PTDSS1: variants seen among roughly 807,000 people sequenced by gnomAD.
PTDSS1 encodes phosphatidylserine synthase 1.
In PTDSS1, 45 loss-of-function variants were observed where a neutral mutation model predicts 70.5. That is an observed-to-expected ratio of 0.64 (90% confidence interval 0.50 to 0.82). PTDSS1 has a LOEUF of 0.82. Among genes scored for constraint, PTDSS1 ranks in the 40% least tolerant of loss-of-function variants. PTDSS1 has a pLI of 0.00. For missense variants in PTDSS1, 417 were observed against 586.1 expected (o/e 0.71, Z 2.98); for synonymous variants, 188 against 203.8 (o/e 0.92, Z 0.66).
chr8:96,335,502 T>C lies in PTDSS1; in HGVS notation c.*1936T>C. ...CTTGTTGCAACTGATGGAGCATGTGTGCTTCCTCTGAGGCCAGCCTACAGG... is the reference window on the plus strand; with the variant it reads ...CTTGTTGCAACTGATGGAGCATGTGCGCTTCCTCTGAGGCCAGCCTACAGG... On this transcript the variant is annotated 3_prime_UTR_variant, in exon 13 of 13. Coordinates refer to ENST00000517309, the MANE Select transcript of PTDSS1 (RefSeq NM_014754.3). The C allele has an allele frequency of 6.6e-6, 1 of 152,266 alleles. No homozygotes were observed. Among genetic ancestry groups the C allele is most frequent in the Admixed American group, 6.5e-5 (1 of 15,284 alleles). The allele number at this position is 152,266 out of a possible 1,614,324, so 9.4% of individuals were successfully genotyped here.
chr8:96,278,475 G>T (rs757484916), intron 2 of PTDSS1, among the ~76,000 whole-genome samples: 2 of 152,158 alleles, frequency 1.3e-5, no homozygotes, highest in Non-Finnish European at 2.9e-5. Flanking sequence ...GAGGGAGAGG[G>T]CTGGCAGTGA....
rs565225132 is a variant in PTDSS1, at chr8:96,262,264, A to C, written c.179+45A>C. 8 of 1,472,884 alleles carry C rather than the reference A, an allele frequency of 5.4e-6. No homozygotes were observed. In the South Asian group the frequency reaches 9.2e-5, roughly 17 times the overall value. The allele number at this position is 1,472,884 out of a possible 1,614,324, so 91.2% of individuals were successfully genotyped here. A position where few individuals can be genotyped will look rare whatever the true frequency, so the allele number is the denominator to read the frequency against. ...CGGGGGGCGCGTCCAAGGGCTAGGG[A>C]AGAGGCGGGAGGGAGGGTGGCGGGG... On this transcript the variant is annotated intron_variant, in intron 1 of 12. Transcript: ENST00000517309. The surrounding 1 kb of genome is among the most constrained non-coding windows in gnomAD (Gnocchi z 4.4).
At chr8:96,284,188 A>AT (rs747065228) in intron 3 of PTDSS1, 35 bp downstream of exon 3, 6 of 1,549,388 alleles carry the variant, frequency 3.9e-6, no homozygotes, top group South Asian at 3.4e-5. Context: ...AGGATGTTCT[A>AT]TTTTTTTAAT....
Position 96,304,024 on chromosome 8 carries a change from C to T in PTDSS1, c.753-16C>T, listed in dbSNP as rs1811089889. The T allele has an allele frequency of 1.9e-6, 3 of 1,592,786 alleles. No individual in the cohort carries two copies. The highest frequency in any genetic ancestry group is 2.6e-6 in the Non-Finnish European group (3 of 1,172,646). On this transcript the variant is annotated splice_polypyrimidine_tract_variant and intron_variant, in intron 6 of 12. Coordinates refer to ENST00000517309, the MANE Select transcript of PTDSS1 (RefSeq NM_014754.3). Reference sequence around the variant, plus strand: ...CTTATCTCTGGATTTTCACTGGAGCCATTCTCTTCTTACAGGGACATTCAT... The same window carrying T: ...CTTATCTCTGGATTTTCACTGGAGCTATTCTCTTCTTACAGGGACATTCAT...
intron 2 of PTDSS1, among the ~76,000 whole-genome samples, chr8:96,281,186 TA>T (rs1358674103): frequency 6.6e-6 from 1 of 152,160 alleles, no homozygotes; most frequent in Non-Finnish European, 1.5e-5. Flanking sequence ...CGATTTTTTT[TA>T]AAAAAGTAAA....
intron 10 of PTDSS1, among the ~76,000 whole-genome samples, chr8:96,325,613 T>C (rs573886313): frequency 9.8e-5 from 15 of 152,296 alleles, no homozygotes; most frequent in African/African-American, 3.4e-4. Flanking sequence ...TCCCACTGCC[T>C]CTGCGGCTGT....
chr8:96,296,960 C>G (rs1330877306), intron 5 of PTDSS1, among the ~76,000 whole-genome samples: 3 of 152,226 alleles, frequency 2.0e-5, no homozygotes, highest in African/African-American at 7.2e-5. Flanking sequence ...TCCCTGCTTC[C>G]CAGTGCCTGT....
Position 96,331,436 on chromosome 8 carries a change from G to A in PTDSS1, c.1312+341G>A, listed in dbSNP as rs141526457. 8.7e-3 allele frequency among the ~76,000 whole-genome samples: 1,317 copies of A among 152,176 alleles called. 12 individuals are homozygous for A. The highest frequency in any genetic ancestry group is 0.029 in the African/African-American group (1,219 of 41,516). On this transcript the variant is annotated intron_variant, in intron 12 of 12. Coordinates refer to ENST00000517309, the MANE Select transcript of PTDSS1 (RefSeq NM_014754.3). ...CCCAGCTACTCAGGACGCTGAGCCA[G>A]GAGAATCGCATGAACCTGGAAGGCG... is the stretch of plus-strand genomic sequence containing the variant.
chr8:96,292,284 T>G, intron 4 of PTDSS1, among the ~76,000 whole-genome samples: 1 of 121,694 alleles, frequency 8.2e-6, no homozygotes. Flanking sequence ...TAGGCAACGC[T>G]GTCTCAAAAA....
chr8:96,301,645 G>A (rs964995336), intron 6 of PTDSS1, among the ~76,000 whole-genome samples: 3 of 151,420 alleles, frequency 2.0e-5, no homozygotes, highest in South Asian at 2.1e-4. Flanking sequence ...TCAGCCTCCC[G>A]AGTAGCTGGG....
At chr8:96,305,919 G>A (rs1331138549) in intron 7 of PTDSS1, among the ~76,000 whole-genome samples, 4 of 152,148 alleles carry the variant, frequency 2.6e-5, no homozygotes, top group Admixed American at 2.0e-4. Context: ...TACCTCAGGC[G>A]ATCTGCCCGC....
chr8:96,283,842 T>A, intron 2 of PTDSS1: 1 of 396,020 alleles, frequency 2.5e-6, no homozygotes. Flanking sequence ...TGGGAAATTA[T>A]GTTCTGACTT....
rs1247096851 is a variant in PTDSS1 at position 96,292,740 on chromosome 8, G to T, written c.442-2358G>T. Reference sequence around the variant, plus strand: ...TCTCAGCTGATTTCTTCCTGTGAAAGCTCAGTGGAGCAGATTGCTTTAGAC... The same window carrying T: ...TCTCAGCTGATTTCTTCCTGTGAAATCTCAGTGGAGCAGATTGCTTTAGAC... On this transcript the variant is annotated intron_variant, in intron 4 of 12. Transcript: ENST00000517309. Among the ~76,000 whole-genome samples the T allele has an allele frequency of 2.0e-5, 3 of 152,218 alleles. No individual in the cohort carries two copies. In the East Asian group the frequency reaches 5.8e-4, roughly 29 times the overall value.
intron 1 of PTDSS1, among the ~76,000 whole-genome samples, chr8:96,270,927 T>C (rs1375053568): frequency 6.6e-6 from 1 of 152,246 alleles, no homozygotes; most frequent in Non-Finnish European, 1.5e-5. Flanking sequence ...CATTTAGTTA[T>C]AAATTTAGTG....
rs1811559442 is a variant in PTDSS1 at position 96,333,990 on chromosome 8, CT to C, written c.*427del. On this transcript the variant is annotated 3_prime_UTR_variant, in exon 13 of 13. Transcript: ENST00000517309. ...TTTTATTTTATTTTTATGAATCTAC[CT>C]TTCCATTGATTGATTTAAGTTCAGG... 2.2e-6 allele frequency: 1 copy of C among 450,040 alleles called. No homozygotes were observed. The highest frequency in any genetic ancestry group is 3.9e-6 in the Non-Finnish European group (1 of 254,666). The allele number at this position is 450,040 out of a possible 1,614,324, so 27.9% of individuals were successfully genotyped here. A position where few individuals can be genotyped will look rare whatever the true frequency, so the allele number is the denominator to read the frequency against.
Position 96,289,678 on chromosome 8 carries a change from G to T in PTDSS1, c.441+2532G>T, listed in dbSNP as rs556183722. 3.9e-5 allele frequency among the ~76,000 whole-genome samples: 6 copies of T among 152,144 alleles called. No individual in the cohort carries two copies. The South Asian group carries it at 1.2e-3, about 32-fold the overall frequency. On this transcript the variant is annotated intron_variant, in intron 4 of 12. Coordinates refer to ENST00000517309, the MANE Select transcript of PTDSS1 (RefSeq NM_014754.3). ...AGAACGGGAATTTGGGCCATAGATG[G>T]GTTTGCTTTGACAAACAAGAAGTAA... is the stretch of plus-strand genomic sequence containing the variant.
At chr8:96,299,359 C>G (rs910859932) in intron 5 of PTDSS1, among the ~76,000 whole-genome samples, 3 of 152,142 alleles carry the variant, frequency 2.0e-5, no homozygotes, top group Non-Finnish European at 4.4e-5. Flanking sequence ...AAACTTTTCT[C>G]CTTTTCCCCT....
intron 8 of PTDSS1, among the ~76,000 whole-genome samples, chr8:96,306,851 GA>G (rs1811131808): frequency 6.6e-6 from 1 of 151,818 alleles, no homozygotes; most frequent in African/African-American, 2.4e-5. Context: ...CATCATATTA[GA>G]AAAAAATAAC....
intron 9 of PTDSS1, among the ~76,000 whole-genome samples, chr8:96,320,036 G>A (rs1448657522): frequency 1.3e-5 from 2 of 152,222 alleles, no homozygotes; most frequent in Admixed American, 6.5e-5. Context: ...TTCGGTCTGG[G>A]AAGAAGGAAG....
Sources: gnomAD v4.1 joint callset for allele counts (sites outside exome capture counted in the v4.1 genomes callset) on GRCh38, gnomAD v4.1.1 for gene constraint, Gnocchi (gnomAD v3.1) non-coding constraint, MANE v1.5 for transcripts, NCBI Gene and HGNC (gene_info 2026-07-23, HGNC 2026-07-21) for gene names.